The following KDM3A variants were observed in gnomAD, a reference collection of about 807,000 sequenced individuals.
KDM3A encodes the protein lysine-specific demethylase 3A.
A neutral mutation model predicts 158.0 loss-of-function variants in KDM3A; 60 were observed. The ratio of observed to expected loss-of-function variants is 0.38; its 90% confidence interval spans 0.31 to 0.47. KDM3A has a LOEUF of 0.47. Among genes scored for constraint, KDM3A ranks in the 20% least tolerant of loss-of-function variants. The pLI is 0.99. For synonymous variants in KDM3A, 608 were observed against 549.3 expected, an observed-to-expected ratio of 1.11 and a Z score of -1.49; for missense variants, 1,319 against 1,574.3, an observed-to-expected ratio of 0.84 and a Z score of 2.74.
chr2:86,441,899 T>C, intron 1 of KDM3A, 119 bp from the exon 2 acceptor site: 1 of 674,684 alleles, frequency 1.5e-6, no homozygotes, highest in Non-Finnish European at 2.3e-6. Context: ...TCGGTGCGGG[T>C]CCGCCCGGGG....
intron 10 of KDM3A, among the ~76,000 whole-genome samples, chr2:86,468,689 T>C (rs142724137): frequency 1.4e-4 from 21 of 152,246 alleles, no homozygotes; most frequent in African/African-American, 4.6e-4. Context: ...TACAGAAGGC[T>C]TGGAAAACTT....
chr2:86,486,774 C>G (rs1674196707), intron 21 of KDM3A, among the ~76,000 whole-genome samples: 1 of 152,172 alleles, frequency 6.6e-6, no homozygotes, highest in Admixed American at 6.5e-5. Context: ...CCCCACAATT[C>G]TGTTACGGTT....
chr2:86,459,047 A>G (rs1672819364), intron 8 of KDM3A, among the ~76,000 whole-genome samples: 2 of 152,200 alleles, frequency 1.3e-5, no homozygotes, highest in Admixed American at 1.3e-4. Context: ...ACAGGAATCT[A>G]GCTAATGAAG....
At chr2:86,444,398 C>G (rs1174906991) in intron 2 of KDM3A, among the ~76,000 whole-genome samples, 1 of 152,158 alleles carries the variant, frequency 6.6e-6, no homozygotes, top group African/African-American at 2.4e-5. Context: ...TCTTCTGTCT[C>G]TTTTCTAGTC....
Position 86,470,246 on chromosome 2 carries a change from A to G in KDM3A, c.1562A>G (p.Lys521Arg), listed in dbSNP as rs778684602. 9.9e-6 allele frequency: 16 copies of G among 1,614,140 alleles called. No individual in the cohort carries two copies. In the South Asian group the frequency reaches 1.2e-4, roughly 12 times the overall value. ...KSVLTDPAKL[K>R]KLQQSGEAFV... is the part of the protein sequence containing the mutation. ...GTTTTGACAGACCCAGCTAAACTCA[A>G]AAAGCTGCAACAGAGTGGCGAGGCC... The change falls in exon 11 of 26, where the codon AAA becomes AGA. Residue 521 changes from lysine (K) to arginine (R), a missense_variant. Lys to Arg is a conservative substitution (Grantham distance 26, BLOSUM62 2). Coordinates refer to ENST00000312912, the MANE Select transcript of KDM3A (RefSeq NM_018433.6).
intron 2 of KDM3A, among the ~76,000 whole-genome samples, chr2:86,444,039 C>T (rs1682852356): frequency 6.6e-6 from 1 of 152,182 alleles, no homozygotes; most frequent in South Asian, 2.1e-4. Flanking sequence ...GTTCCCTTCC[C>T]TTCTGTAGCA....
intron 9 of KDM3A, among the ~76,000 whole-genome samples, chr2:86,465,318 T>C (rs1187281415): frequency 6.6e-6 from 1 of 152,202 alleles, no homozygotes; most frequent in African/African-American, 2.4e-5. Context: ...AATGAAATTA[T>C]TCTCTGTTAG....
intron 2 of KDM3A, among the ~76,000 whole-genome samples, chr2:86,449,588 G>C (rs933575491): frequency 2.6e-5 from 4 of 152,160 alleles, no homozygotes; most frequent in African/African-American, 9.7e-5. Flanking sequence ...AAAAAGCCTT[G>C]ACTTCTGCAT....
At chr2:86,464,939 G>T (rs936897012) in intron 9 of KDM3A, among the ~76,000 whole-genome samples, 4 of 152,204 alleles carry the variant, frequency 2.6e-5, no homozygotes, top group African/African-American at 4.8e-5. Context: ...AAAGTAGTCA[G>T]TCTGGGATAG....
intron 11 of KDM3A, among the ~76,000 whole-genome samples, chr2:86,474,243 G>C (rs1034233066): frequency 1.3e-5 from 2 of 152,094 alleles, no homozygotes; most frequent in Non-Finnish European, 2.9e-5. Flanking sequence ...TCTTTCCCCT[G>C]TCTAGCTTGT....
intron 6 of KDM3A, 98 bp from the exon 7 acceptor site, chr2:86,456,707 T>G: frequency 7.8e-7 from 1 of 1,278,392 alleles, no homozygotes; most frequent in Non-Finnish European, 1.1e-6. Context: ...AAGAAATTAT[T>G]CATAAGAAGC....
chr2:86,469,225 T>C (rs1411594439), intron 10 of KDM3A, among the ~76,000 whole-genome samples: 1 of 152,168 alleles, frequency 6.6e-6, no homozygotes, highest in East Asian at 1.9e-4. Flanking sequence ...ATGTTTACTT[T>C]ATTTAAAACC....
At chr2:86,450,143 A>C (rs902309098) in intron 3 of KDM3A, among the ~76,000 whole-genome samples, 181 bp downstream of exon 3, 2 of 152,226 alleles carry the variant, frequency 1.3e-5, no homozygotes, top group African/African-American at 4.8e-5. Context: ...CCTCGTGTTC[A>C]CTTGACAAAT....
intron 12 of KDM3A, among the ~76,000 whole-genome samples, chr2:86,476,729 C>G (rs142684526): frequency 1.3e-5 from 2 of 152,272 alleles, no homozygotes; most frequent in East Asian, 3.9e-4. Flanking sequence ...TGTAAGATGC[C>G]TAAAGCTATA....
chr2:86,481,816 T>A, intron 16 of KDM3A, 114 bp from the exon 17 acceptor site: 1 of 736,986 alleles, frequency 1.4e-6, no homozygotes, highest in South Asian at 1.8e-5. Context: ...TAAAGTATTT[T>A]TTTTGTTTCA....
intron 21 of KDM3A, among the ~76,000 whole-genome samples, chr2:86,486,771 A>G (rs935549276): frequency 2.0e-5 from 3 of 152,274 alleles, no homozygotes; most frequent in Admixed American, 6.5e-5. Context: ...CAGCCCCACA[A>G]TTCTGTTACG....
At position 86,481,946 on chromosome 2, in the gene KDM3A, G is replaced by A. The variant is rs1673950304; in HGVS notation, c.2529G>A (p.Met843Ile). 6.2e-7 allele frequency: 1 copy of A among 1,609,846 alleles called. No homozygotes were observed. The highest frequency in any genetic ancestry group is 2.2e-5 in the East Asian group (1 of 44,804). Residue 843 changes from methionine (M) to isoleucine (I), a missense_variant, in exon 17 of 26, where the codon ATG (methionine) becomes ATA (isoleucine). Met to Ile is a conservative substitution (Grantham distance 10). Around this residue, in one of 4 missense-constraint regions of KDM3A, gnomAD observed 368 missense variants for 415.8 expected, o/e 0.89. Transcript: ENST00000312912. ...TTATTTTAGAAAAACAACCAACAAT[G>A]CCAATTTTAAAGAATGAAATCAAAT... ...NKENKEKQPTMPILKNEIKCL... is the reference protein window; with the variant it reads ...NKENKEKQPTIPILKNEIKCL...
chr2:86,480,066 A>C (rs117180889), intron 15 of KDM3A, 101 bp from the exon 16 acceptor site: 1 of 910,152 alleles, frequency 1.1e-6, no homozygotes, highest in Non-Finnish European at 1.8e-6. Flanking sequence ...TTTGTTCTGG[A>C]TATTTATCTT....
chr2:86,445,467 T>A (rs1558601988), intron 2 of KDM3A, among the ~76,000 whole-genome samples: 1 of 152,208 alleles, frequency 6.6e-6, no homozygotes. Context: ...TTCCTTAACT[T>A]GTCCTTTTTT....
Sources: allele counts gnomAD v4.1 joint callset (sites outside exome capture counted in the v4.1 genomes callset), GRCh38; gene constraint gnomAD v4.1.1; regional missense constraint gnomAD v4.1.1; transcripts MANE v1.5; gene names NCBI Gene and HGNC (gene_info 2026-07-23, HGNC 2026-07-21).